The following CPSF1 variants were observed in gnomAD, a reference collection of about 807,000 sequenced individuals.
The protein encoded by CPSF1 is cleavage and polyadenylation specificity factor subunit 1.
CPSF1 carries 106 observed loss-of-function variants against 175.8 expected under a neutral mutation model. The observed-to-expected ratio is 0.60, with a 90% CI of 0.52 to 0.71. The LOEUF (loss-of-function observed/expected upper bound fraction) is 0.71. Among genes scored for constraint, CPSF1 ranks in the 30% least tolerant of loss-of-function variants. The probability of loss-of-function intolerance (pLI) is 0.00; values close to 1 mark genes in which losing one functional copy is unlikely to be tolerated. For synonymous variants in CPSF1, 1,024 were observed against 858.3 expected, an observed-to-expected ratio of 1.19 and a Z score of -3.37; for missense variants, 1,734 against 2,022.9, an observed-to-expected ratio of 0.86 and a Z score of 2.74.
rs1554862992 is a variant in CPSF1, at chr8:144,394,799, G to A, written c.3415-3C>T. 10 of 1,613,512 alleles carry A rather than the reference G, an allele frequency of 6.2e-6. No individual in the cohort carries two copies. The South Asian group carries it at 6.6e-5, about 11-fold the overall frequency. ...TCAATCACATCCATGATCAAGATCT[G>A]GAGGGCATGGGTATGGCTGTGGGAT... On this transcript the variant is annotated splice_region_variant and splice_polypyrimidine_tract_variant and intron_variant, in intron 30 of 37. Coordinates refer to ENST00000616140, the MANE Select transcript of CPSF1 (RefSeq NM_013291.3).
chr8:144,401,309 A>G lies in CPSF1; in HGVS notation c.307-18T>C, dbSNP rs200923754. The G allele has an allele frequency of 6.3e-7, 1 of 1,582,248 alleles. No individual in the cohort carries two copies. The highest frequency in any genetic ancestry group is 2.4e-5 in the East Asian group (1 of 42,304). ...ACAGACAGCTGCGGTCAGAGGGCAC[A>G]GCCGTGGCTGCCGACTGCCGGTCCT... On this transcript the variant is annotated intron_variant, in intron 4 of 37. Transcript: ENST00000616140.
rs148002094 is a variant in CPSF1, at chr8:144,400,009, G to A, written c.1014C>T (p.Ser338=). 2 of 1,612,320 alleles carry A rather than the reference G, an allele frequency of 1.2e-6. No homozygotes were observed. The highest frequency in any genetic ancestry group is 2.7e-5 in the African/African-American group (2 of 74,978). The change falls in exon 10 of 38, where the codon TCC becomes TCT. Residue 338 remains serine, a synonymous_variant. Coordinates refer to ENST00000616140, the MANE Select transcript of CPSF1 (RefSeq NM_013291.3). Reference sequence around the variant, plus strand: ...GGGCTCACATCTCGCCGCCCTTGAGGGAGATGACCATCTTGTCGTAGGAGA... The same window carrying A: ...GGGCTCACATCTCGCCGCCCTTGAGAGAGATGACCATCTTGTCGTAGGAGA... ...TFISYDKMVI[S]LKGGEIYVLT... is the part of the protein sequence containing the mutation.
chr8:144,400,659 T>C lies in CPSF1; in HGVS notation c.686+12A>G, dbSNP rs1821149787. On this transcript the variant is annotated intron_variant, in intron 7 of 37. Coordinates refer to ENST00000616140, the MANE Select transcript of CPSF1 (RefSeq NM_013291.3). ...GGCCCACAGTGCAGAGGGGCCTCCT[T>C]AGGGGGCTCACCCAGGCCAGGTCTG... 1.2e-6 allele frequency: 2 copies of C among 1,602,362 alleles called. No individual in the cohort carries two copies. The highest frequency in any genetic ancestry group is 1.7e-6 in the Non-Finnish European group (2 of 1,174,568).
At chr8:144,408,983 A>G in intron 2 of CPSF1, 32 bp downstream of exon 2, 1 of 1,605,526 alleles carries the variant, frequency 6.2e-7, no homozygotes, top group Non-Finnish European at 8.5e-7. Context: ...CACGTCGCGG[A>G]CAGCCGGGAG....
In CPSF1 at chr8:144,393,714, C is replaced by T; in HGVS notation, c.4098G>A (p.Leu1366=). 6.4e-7 allele frequency: 1 copy of T among 1,567,854 alleles called. No homozygotes were observed. The highest frequency in any genetic ancestry group is 8.6e-7 in the Non-Finnish European group (1 of 1,163,600). ...YRRLLMLQNA[L]TTMLPHHAGL... ...CGGCGTGGTGTGGCAGCATGGTGGT[C>T]AGCGCGTTCTGCAGCATCAGCAGCC... is the stretch of plus-strand genomic sequence containing the variant. The change falls in exon 36 of 38, where the codon CTG becomes CTA. Residue 1366 remains leucine (L), a synonymous_variant. Transcript: ENST00000616140.
chr8:144,407,694 G>C (rs183370632), intron 2 of CPSF1, among the ~76,000 whole-genome samples: 1 of 151,898 alleles, frequency 6.6e-6, no homozygotes, highest in Non-Finnish European at 1.5e-5. Flanking sequence ...GCAAGACTCC[G>C]TCTCACCAGG....
At position 144,407,503 on chromosome 8, in the gene CPSF1, G is replaced by A. The variant is rs2116908775; in HGVS notation, c.144+1512C>T. Among the ~76,000 whole-genome samples, 7 of 151,946 alleles carry A rather than the reference G, an allele frequency of 4.6e-5. No individual in the cohort carries two copies. In the East Asian group the frequency reaches 7.7e-4, roughly 17 times the overall value. On this transcript the variant is annotated intron_variant, in intron 2 of 37. Transcript: ENST00000616140. ...TTGAGACCAGCCTGGCCAATGTGGCGAAACCCTGTCTCTATTAAAAATACA... is the reference window on the plus strand; with the variant it reads ...TTGAGACCAGCCTGGCCAATGTGGCAAAACCCTGTCTCTATTAAAAATACA...
Position 144,393,482 on chromosome 8 carries a change from T to C in CPSF1, c.4254A>G (p.Leu1418=). 6.4e-7 allele frequency: 1 copy of C among 1,567,084 alleles called. No homozygotes were observed. The highest frequency in any genetic ancestry group is 1.2e-5 in the South Asian group (1 of 85,244). ...CTGGTGTGGTGCCGATCTTCTTGGC[T>C]AGCTCGCTGCGCTCCATGGTGCTCA... The part of the protein sequence containing the change: ...LYLSTMERSE[L]AKKIGTTPDI... Residue 1418 remains leucine, a synonymous_variant, in exon 37 of 38, where the codon CTA becomes CTG. Transcript: ENST00000616140.
Position 144,393,681 on chromosome 8 carries a change from G to A in CPSF1, c.4131C>T (p.Asn1377=), listed in dbSNP as rs1554862290. 6.4e-6 allele frequency: 10 copies of A among 1,562,866 alleles called. No individual in the cohort carries two copies. The highest frequency in any genetic ancestry group is 2.7e-5 in the African/African-American group (2 of 74,424). Residue 1377 remains asparagine, a synonymous_variant, in exon 36 of 38, where the codon AAC becomes AAT. Transcript: ENST00000616140. ...TTMLPHHAGL[N]PRAFRMLHVD... ...CCGGGGCTCACCGGAAGGCGCGGGG[G>A]TTGAGGCCGGCGTGGTGTGGCAGCA... is the stretch of plus-strand genomic sequence containing the variant.
chr8:144,401,020 C>T lies in CPSF1; in HGVS notation c.443G>A (p.Arg148His). The stretch of plus-strand genomic sequence containing the variant: ...GCCGTAGACAAGCATGGCTGCACAG[C>T]GCCCGTCGGGGTCCACCCGCACTCG... ...TPRVRVDPDG[R>H]CAAMLVYGTR... The change falls in exon 6 of 38, where the codon CGC becomes CAC. Residue 148 changes from arginine (R) to histidine (H), a missense_variant. Coordinates refer to ENST00000616140, the MANE Select transcript of CPSF1 (RefSeq NM_013291.3). 3 of 1,609,434 alleles carry T rather than the reference C, an allele frequency of 1.9e-6. No homozygotes were observed. Among genetic ancestry groups the T allele is most frequent in the Non-Finnish European group, 2.5e-6 (3 of 1,177,766 alleles).
chr8:144,393,843 A>T (rs1554862401), intron 35 of CPSF1, 40 bp downstream of exon 35: 2 of 1,600,574 alleles, frequency 1.2e-6, no homozygotes, highest in Non-Finnish European at 1.7e-6. Flanking sequence ...GGCCAACCCT[A>T]GGGCCCCCCA....
chr8:144,407,769 A>C (rs1218957944), intron 2 of CPSF1, among the ~76,000 whole-genome samples: 1 of 151,820 alleles, frequency 6.6e-6, no homozygotes, highest in Non-Finnish European at 1.5e-5. Flanking sequence ...CCAGTCCTGA[A>C]CTCCTGGCCT....
Position 144,398,993 on chromosome 8 carries a change from CG to C in CPSF1, c.1512del (p.Gly505AlafsTer20). The C allele has an allele frequency of 6.2e-7, 1 of 1,612,276 alleles. No homozygotes were observed. Among genetic ancestry groups the C allele is most frequent in the Non-Finnish European group, 8.5e-7 (1 of 1,179,738 alleles). ...GACAAAGCCCCGTTCTTCCCGTGGCCGGAGCAAACCACAATCTCCAGGTCCG... is the reference window on the plus strand; with the variant it reads ...GACAAAGCCCCGTTCTTCCCGTGGCCGAGCAAACCACAATCTCCAGGTCCG... The part of the protein sequence containing the change: ...PEPDLEIVVC[S>X]GHGKNGALSV... On this transcript the variant is annotated frameshift_variant, in exon 16 of 38. Coordinates refer to ENST00000616140, the MANE Select transcript of CPSF1 (RefSeq NM_013291.3). LOFTEE classifies it high-confidence loss of function.
In CPSF1 at chr8:144,400,013, A is replaced by G; in HGVS notation, c.1010T>C (p.Ile337Thr). The stretch of plus-strand genomic sequence containing the variant: ...TCACATCTCGCCGCCCTTGAGGGAG[A>G]TGACCATCTTGTCGTAGGAGATGAA... ...ATFISYDKMV[I>T]SLKGGEIYVL... The change falls in exon 10 of 38, where the codon ATC becomes ACC. Residue 337 changes from isoleucine (I) to threonine (T), a missense_variant. Physicochemically the swap from Ile to Thr is moderately conservative, Grantham distance 89. This residue lies in a region of CPSF1 where 162 missense variants were observed against 169.5 expected (regional missense o/e 0.96). Transcript: ENST00000616140. 1 of 1,611,978 alleles carries G rather than the reference A, an allele frequency of 6.2e-7. No individual in the cohort carries two copies. Among genetic ancestry groups the G allele is most frequent in the Non-Finnish European group, 8.5e-7 (1 of 1,179,830 alleles).
In CPSF1 at chr8:144,400,221, G is replaced by A. The variant is rs2116873618; in HGVS notation, c.882C>T (p.Pro294=). The stretch of plus-strand genomic sequence containing the variant: ...GGCTGTTGAGAGCCACGCCATACGG[G>A]GGGACGCTCTGGTTCAGGTACAACA... ...NSLLYLNQSV[P]PYGVALNSLT... The change falls in exon 9 of 38, where the codon CCC becomes CCT. Residue 294 remains proline, a synonymous_variant. Coordinates refer to ENST00000616140, the MANE Select transcript of CPSF1 (RefSeq NM_013291.3). 4 of 1,582,366 alleles carry A rather than the reference G, an allele frequency of 2.5e-6. No individual in the cohort carries two copies. Among genetic ancestry groups the A allele is most frequent in the Admixed American group, 3.5e-5 (2 of 57,778 alleles).
chr8:144,397,312 C>T lies in CPSF1; in HGVS notation c.2487G>A (p.Gln829=), dbSNP rs1564688751. The change falls in exon 23 of 38, where the codon CAG becomes CAA. Residue 829 remains glutamine, a synonymous_variant. Transcript: ENST00000616140. ...TGGCCTCCTCCCTGCGGGCCTCGCC[C>T]TGTGTAGTGGGCTGTCCAAAGGAGC... ...VDSSFGQPTT[Q]GEARREEATR... The T allele has an allele frequency of 3.2e-6, 5 of 1,553,762 alleles. No individual in the cohort carries two copies. Among genetic ancestry groups the T allele is most frequent in the Non-Finnish European group, 4.4e-6 (5 of 1,149,084 alleles).
rs782146235 is a variant in CPSF1, at chr8:144,399,019, G to T, written c.1487C>A (p.Pro496Gln). Reference sequence around the variant, plus strand: ...GGAGCAAACCACAATCTCCAGGTCCGGCTCGGGGCTGTTCTGAAACTGCAC... The same window carrying T: ...GGAGCAAACCACAATCTCCAGGTCCTGCTCGGGGCTGTTCTGAAACTGCAC... Reference protein sequence around the residue: ...LSEEFQNSPEPDLEIVVCSGH... With the variant: ...LSEEFQNSPEQDLEIVVCSGH... The change falls in exon 16 of 38, where the codon CCG becomes CAG. Residue 496 changes from proline to glutamine, a missense_variant. Coordinates refer to ENST00000616140, the MANE Select transcript of CPSF1 (RefSeq NM_013291.3). The surrounding 1 kb of genome is among the most constrained non-coding windows in gnomAD (Gnocchi z 6.4). 1.2e-6 allele frequency: 2 copies of T among 1,604,528 alleles called. No homozygotes were observed. Among genetic ancestry groups the T allele is most frequent in the Non-Finnish European group, 1.7e-6 (2 of 1,176,168 alleles).
intron 2 of CPSF1, among the ~76,000 whole-genome samples, chr8:144,405,344 C>T (rs1554868763): frequency 1.3e-5 from 2 of 152,116 alleles, no homozygotes; most frequent in African/African-American, 2.4e-5. Flanking sequence ...ATGTCTTGGC[C>T]GGGCTCCGTG....
rs1484737020 is a variant in CPSF1 at position 144,393,260 on chromosome 8, T to G, written c.*58A>C. The G allele has an allele frequency of 6.5e-5, 94 of 1,444,328 alleles. No individual in the cohort carries two copies. Among genetic ancestry groups the G allele is most frequent in the Admixed American group, 1.0e-4 (4 of 39,242 alleles). The allele number at this position is 1,444,328 out of a possible 1,614,324, so 89.5% of individuals were successfully genotyped here. On this transcript the variant is annotated 3_prime_UTR_variant, in exon 38 of 38. Coordinates refer to ENST00000616140, the MANE Select transcript of CPSF1 (RefSeq NM_013291.3). The stretch of plus-strand genomic sequence containing the variant: ...GCAAAAAATGTTTTTCCTTGTGTTT[T>G]GTACAAAAAGGGGGTGGGAGGTAGT...
Sources: allele counts gnomAD v4.1 joint callset (sites outside exome capture counted in the v4.1 genomes callset), GRCh38; gene constraint gnomAD v4.1.1; regional missense constraint gnomAD v4.1.1; non-coding constraint Gnocchi (gnomAD v3.1); transcripts MANE v1.5; gene names NCBI Gene and HGNC (gene_info 2026-07-23, HGNC 2026-07-21).